SLC13A1: variants seen among roughly 807,000 people sequenced by gnomAD.
SLC13A1 encodes the protein Na(+)/sulfate cotransporter.
Under a neutral mutation model 70.0 loss-of-function variants are expected in SLC13A1, and 65 were observed. The observed-to-expected ratio is 0.93, with a 90% confidence interval of 0.76 to 1.14. The LOEUF (loss-of-function observed/expected upper bound fraction) is 1.14. Among genes scored for constraint, SLC13A1 ranks in the 50% most tolerant of loss-of-function variants. The pLI, the probability that SLC13A1 is intolerant of heterozygous loss-of-function variation, is 0.00. For missense variants in SLC13A1, 726 were observed against 717.8 expected (o/e 1.01, Z -0.13); for synonymous variants, 275 against 250.5 (o/e 1.10, Z -0.92).
At chr7:123,163,001 T>C (rs1794962503) in intron 6 of SLC13A1, among the ~76,000 whole-genome samples, 1 of 152,126 alleles carries the variant, frequency 6.6e-6, no homozygotes, top group Non-Finnish European at 1.5e-5. Context: ...CATTTGTAGA[T>C]GCCTGAAGGT....
chr7:123,147,997 G>C (rs2116423056), intron 6 of SLC13A1, among the ~76,000 whole-genome samples: 1 of 152,104 alleles, frequency 6.6e-6, no homozygotes, highest in Middle Eastern at 3.4e-3. Context: ...TTAATGGATG[G>C]TTCCCAGGGG....
At chr7:123,167,156 A>G (rs545912099) in intron 6 of SLC13A1, among the ~76,000 whole-genome samples, 1 of 152,330 alleles carries the variant, frequency 6.6e-6, no homozygotes, top group South Asian at 2.1e-4. Context: ...GGGATCTAGA[A>G]CTAGAAATAC....
chr7:123,149,637 C>T (rs1208180512), intron 6 of SLC13A1: 1 of 456,232 alleles, frequency 2.2e-6, no homozygotes, highest in Non-Finnish European at 4.4e-6. Flanking sequence ...AAATGAAATG[C>T]AAAAATACCT....
chr7:123,119,098 G>A lies in SLC13A1; in HGVS notation c.1495C>T (p.Pro499Ser), dbSNP rs770108951. 6.2e-7 allele frequency: 1 copy of A among 1,612,238 alleles called. No individual in the cohort carries two copies. The highest frequency in any genetic ancestry group is 1.7e-5 in the Admixed American group (1 of 59,878). ...SNPATITLFL[P>S]ILSPLAEAIH... is the part of the protein sequence containing the mutation. ...ATACTCACCAATGGAGATAATATTGGGAGAAAGAGTGTAATGGTAGCTGGA... is the reference window on the plus strand; with the variant it reads ...ATACTCACCAATGGAGATAATATTGAGAGAAAGAGTGTAATGGTAGCTGGA... Residue 499 changes from proline (P) to serine (S), a missense_variant, in exon 13 of 15, where the codon CCA becomes TCA. Coordinates refer to ENST00000194130, the MANE Select transcript of SLC13A1 (RefSeq NM_022444.4).
intron 6 of SLC13A1, among the ~76,000 whole-genome samples, chr7:123,156,618 C>T (rs187364557): frequency 9.5e-4 from 144 of 152,210 alleles, no homozygotes; most frequent in Non-Finnish European, 1.6e-3. Context: ...AACCAGCCTT[C>T]CTACAGTGTT....
intron 2 of SLC13A1, among the ~76,000 whole-genome samples, chr7:123,176,614 G>A (rs1795453868): frequency 6.6e-6 from 1 of 152,122 alleles, no homozygotes; most frequent in Non-Finnish European, 1.5e-5. Flanking sequence ...AATTAAATGA[G>A]ATAATATTTT....
intron 14 of SLC13A1, 80 bp downstream of exon 14, chr7:123,117,391 A>G: frequency 1.4e-6 from 2 of 1,404,358 alleles, no homozygotes; most frequent in Non-Finnish European, 9.9e-7. Flanking sequence ...TGATTGGTGT[A>G]TAAAAGGGAA....
intron 6 of SLC13A1, among the ~76,000 whole-genome samples, chr7:123,165,168 A>G (rs1585360867): frequency 1.3e-5 from 2 of 152,136 alleles, no homozygotes; most frequent in African/African-American, 4.8e-5. Flanking sequence ...AAATATACCT[A>G]TAATTGTTAA....
At chr7:123,119,926 C>T (rs4727963) in intron 12 of SLC13A1, among the ~76,000 whole-genome samples, 64,852 of 151,762 alleles carry the variant, frequency 0.43, 13,987 homozygotes, top group Admixed American at 0.48. Flanking sequence ...GTTTACTCTC[C>T]CTTCCCCACA....
At chr7:123,123,060 A>C (rs2116276127) in intron 12 of SLC13A1, 66 bp downstream of exon 12, 1 of 1,236,936 alleles carries the variant, frequency 8.1e-7, no homozygotes, top group Admixed American at 1.7e-5. Flanking sequence ...CAAAGATTGA[A>C]TGTCTCTGTG....
chr7:123,178,031 C>A (rs531960725), intron 2 of SLC13A1, among the ~76,000 whole-genome samples: 295 of 148,534 alleles, frequency 2.0e-3, no homozygotes, highest in Non-Finnish European at 3.5e-3. Context: ...CTCTCTCTCT[C>A]TCTATATATA....
At chr7:123,176,335 T>G (rs2116589165) in intron 2 of SLC13A1, among the ~76,000 whole-genome samples, 1 of 152,334 alleles carries the variant, frequency 6.6e-6, no homozygotes, top group East Asian at 1.9e-4. Flanking sequence ...AAGAAGGTGC[T>G]GTTGGTTTGT....
intron 6 of SLC13A1, among the ~76,000 whole-genome samples, chr7:123,167,030 A>G (rs1344859387): frequency 1.4e-5 from 2 of 144,746 alleles, no homozygotes; most frequent in Admixed American, 6.7e-5. Context: ...CGATCATTAA[A>G]AAGTCAGGAA....
intron 7 of SLC13A1, among the ~76,000 whole-genome samples, chr7:123,134,838 A>G (rs1343804616): frequency 6.6e-6 from 1 of 152,190 alleles, no homozygotes; most frequent in African/African-American, 2.4e-5. Context: ...ATGAGTATTA[A>G]ATGCACAAGA....
intron 1 of SLC13A1, among the ~76,000 whole-genome samples, chr7:123,181,907 G>A (rs1414883912): frequency 6.6e-6 from 1 of 152,026 alleles, no homozygotes; most frequent in Non-Finnish European, 1.5e-5. Flanking sequence ...TACAAAAACT[G>A]CTGTTTAGGT....
intron 6 of SLC13A1, among the ~76,000 whole-genome samples, chr7:123,152,799 A>G (rs1794598307): frequency 6.6e-6 from 1 of 152,112 alleles, no homozygotes; most frequent in Non-Finnish European, 1.5e-5. Flanking sequence ...TGTATTTTCT[A>G]TATGATAAAA....
In SLC13A1 at chr7:123,134,486, T is replaced by C; in HGVS notation, c.856A>G (p.Thr286Ala). The change falls in exon 8 of 15, where the codon ACG (threonine) becomes GCG (alanine). Residue 286 changes from threonine (T) to alanine (A), a missense_variant. Physicochemically the swap from Thr to Ala is moderately conservative, Grantham distance 58 (BLOSUM62 0). Transcript: ENST00000194130. ...ATAAGGGCAGCTGGGAAGGAAAACG[T>C]AAACCATGATCCAAAGTTGAGGCAA... ...CRCLNFGSWF[T>A]FSFPAALIIL... 1 of 1,613,410 alleles carries C rather than the reference T, an allele frequency of 6.2e-7. No individual in the cohort carries two copies. The highest frequency in any genetic ancestry group is 8.5e-7 in the Non-Finnish European group (1 of 1,179,560).
chr7:123,152,288 T>C (rs1481321274), intron 6 of SLC13A1, among the ~76,000 whole-genome samples: 1 of 152,154 alleles, frequency 6.6e-6, no homozygotes, highest in Non-Finnish European at 1.5e-5. Flanking sequence ...TTGGCTATTG[T>C]GAATAATGCT....
intron 6 of SLC13A1, among the ~76,000 whole-genome samples, chr7:123,166,007 G>T (rs916679165): frequency 1.3e-5 from 2 of 151,844 alleles, no homozygotes; most frequent in African/African-American, 4.8e-5. Flanking sequence ...ACATGCTCTC[G>T]TCTTTCCAGA....
Sources: gnomAD v4.1 joint callset for allele counts (sites outside exome capture counted in the v4.1 genomes callset) on GRCh38, gnomAD v4.1.1 for gene constraint, MANE v1.5 for transcripts, NCBI Gene and HGNC (gene_info 2026-07-23, HGNC 2026-07-21) for gene names.